The following TRIM44 variants were observed in gnomAD, a reference collection of about 807,000 sequenced individuals.
The protein encoded by TRIM44 is tripartite motif containing 44.
Under a neutral mutation model 37.4 loss-of-function variants are expected in TRIM44, and 13 were observed. The observed-to-expected ratio is 0.35, with a 90% confidence interval of 0.23 to 0.55. TRIM44 has a LOEUF of 0.55. Ranked by LOEUF, TRIM44 falls within the 20% of genes least tolerant of loss-of-function variation. The probability of loss-of-function intolerance (pLI) is 0.89; values close to 1 mark genes in which losing one functional copy is unlikely to be tolerated. For synonymous variants in TRIM44, 175 were observed against 157.2 expected (o/e 1.11, Z -0.85); for missense variants, 426 against 437.2 (o/e 0.97, Z 0.23).
intron 1 of TRIM44, 23 bp downstream of exon 1, chr11:35,663,803 A>G: frequency 1.9e-6 from 3 of 1,601,038 alleles, no homozygotes. Flanking sequence ...CCTTCAGAGC[A>G]TAAACCTAGG....
intron 4 of TRIM44, among the ~76,000 whole-genome samples, chr11:35,774,282 G>A (rs945887394): frequency 1.3e-5 from 2 of 152,172 alleles, no homozygotes; most frequent in East Asian, 1.9e-4. Context: ...TCTGAAAAGT[G>A]TCTGTCATAT....
intron 2 of TRIM44, among the ~76,000 whole-genome samples, chr11:35,712,650 T>C (rs1441575422): frequency 6.6e-6 from 1 of 152,146 alleles, no homozygotes; most frequent in African/African-American, 2.4e-5. Flanking sequence ...TTCCTCCTGC[T>C]CCAGCTCCTC....
chr11:35,791,660 TG>T (rs1327169659), intron 4 of TRIM44, among the ~76,000 whole-genome samples: 2 of 152,188 alleles, frequency 1.3e-5, no homozygotes, highest in Non-Finnish European at 2.9e-5. Flanking sequence ...TTGTTCAAGC[TG>T]TTCCCTCCAC....
intron 4 of TRIM44, among the ~76,000 whole-genome samples, chr11:35,787,976 C>T (rs1009941646): frequency 1.3e-5 from 2 of 152,232 alleles, no homozygotes; most frequent in Non-Finnish European, 2.9e-5. Flanking sequence ...TCCTCACCAG[C>T]TTTGATGCCA....
rs563207873 is a variant in TRIM44 at position 35,712,787 on chromosome 11, C to T, written c.748-13137C>T. ...CCATAGCAGCCACGCTTCAGGTTTC[C>T]AGTGCAGGATTGTATTTGACAGTTA... On this transcript the variant is annotated intron_variant, in intron 2 of 4. Coordinates refer to ENST00000299413, the MANE Select transcript of TRIM44 (RefSeq NM_017583.6). 8.5e-5 allele frequency among the ~76,000 whole-genome samples: 13 copies of T among 152,172 alleles called. No individual in the cohort carries two copies. The East Asian group carries it at 2.3e-3, about 27-fold the overall frequency.
intron 4 of TRIM44, among the ~76,000 whole-genome samples, chr11:35,740,978 A>G (rs1224550714): frequency 6.6e-6 from 1 of 152,002 alleles, no homozygotes; most frequent in Non-Finnish European, 1.5e-5. Flanking sequence ...TAGATATGGC[A>G]TTTCTCTTTC....
rs865937114 is a variant in TRIM44, at chr11:35,783,870, G to A, written c.1008-22488G>A. 5.3e-5 allele frequency among the ~76,000 whole-genome samples: 8 copies of A among 152,246 alleles called. No homozygotes were observed. The South Asian group carries it at 6.2e-4, about 12-fold the overall frequency. ...TTTTGTTAGAAGTGAAAGAGGGAAA[G>A]CCCTACTGATTGAGGGATACACGTT... On this transcript the variant is annotated intron_variant, in intron 4 of 4. Coordinates refer to ENST00000299413, the MANE Select transcript of TRIM44 (RefSeq NM_017583.6).
At chr11:35,705,047 A>C (rs965536104) in intron 2 of TRIM44, among the ~76,000 whole-genome samples, 3 of 149,188 alleles carry the variant, frequency 2.0e-5, no homozygotes, top group African/African-American at 5.0e-5. Context: ...CATAGGCTCA[A>C]AATAAAAGGA....
intron 4 of TRIM44, among the ~76,000 whole-genome samples, chr11:35,781,805 C>T (rs907193679): frequency 3.3e-5 from 5 of 152,160 alleles, no homozygotes; most frequent in African/African-American, 1.2e-4. Context: ...AGTGGAATAA[C>T]TTTTAAAATG....
intron 1 of TRIM44, among the ~76,000 whole-genome samples, chr11:35,681,621 A>C (rs16927846): frequency 2.0e-5 from 3 of 152,182 alleles, no homozygotes; most frequent in Admixed American, 1.3e-4. Context: ...ATGTGCCCCA[A>C]GGATTGACAA....
intron 4 of TRIM44, among the ~76,000 whole-genome samples, chr11:35,748,806 G>C (rs1156993822): frequency 6.6e-6 from 1 of 152,292 alleles, no homozygotes; most frequent in East Asian, 1.9e-4. Context: ...CCCAAGCCCT[G>C]ATCAGGTGAA....
rs1414431185 is a variant in TRIM44, at chr11:35,806,338, G to A, written c.1008-20G>A. 6.2e-7 allele frequency: 1 copy of A among 1,613,504 alleles called. No homozygotes were observed. The highest frequency in any genetic ancestry group is 1.7e-5 in the Admixed American group (1 of 59,982). On this transcript the variant is annotated intron_variant, in intron 4 of 4. Coordinates refer to ENST00000299413, the MANE Select transcript of TRIM44 (RefSeq NM_017583.6). The stretch of plus-strand genomic sequence containing the variant: ...TTCTTGTGATATCTTAACTCACCTG[G>A]TTCTCCTTTTCCTTTGTAGTGGTGC...
Position 35,696,424 on chromosome 11 carries a change from G to A in TRIM44, c.747+11088G>A, listed in dbSNP as rs148901404. ...CCCAAAGTGCTGGGAATACAGGCGT[G>A]AGCCGCCGCAAGCAGCCGTCAAAAA... On this transcript the variant is annotated intron_variant, in intron 2 of 4. Coordinates refer to ENST00000299413, the MANE Select transcript of TRIM44 (RefSeq NM_017583.6). Among the ~76,000 whole-genome samples, 3 of 151,588 alleles carry A rather than the reference G, an allele frequency of 2.0e-5. No individual in the cohort carries two copies. In the East Asian group the frequency reaches 6.0e-4, roughly 30 times the overall value.
intron 1 of TRIM44, among the ~76,000 whole-genome samples, chr11:35,679,467 T>A (rs1851501083): frequency 1.3e-5 from 2 of 152,158 alleles, no homozygotes. Flanking sequence ...ACAAGGAACA[T>A]TAGAGGTAGA....
chr11:35,792,111 A>ACACACACACACACACACACACT (rs796092540), intron 4 of TRIM44, among the ~76,000 whole-genome samples: 204 of 114,292 alleles, frequency 1.8e-3, no homozygotes, highest in Admixed American at 0.01. Flanking sequence ...ACACACACAC[A>ACACACACACACACACACACACT]CTCTCTCTCA....
At chr11:35,757,232 A>G (rs1349701029) in intron 4 of TRIM44, among the ~76,000 whole-genome samples, 1 of 152,146 alleles carries the variant, frequency 6.6e-6, no homozygotes, top group Non-Finnish European at 1.5e-5. Flanking sequence ...TAGTCTTGGG[A>G]GGGCGTATGT....
rs1160151677 is a variant in TRIM44 at position 35,662,944 on chromosome 11, CG to C, written c.-165del. On this transcript the variant is annotated 5_prime_UTR_variant, in exon 1 of 5. Transcript: ENST00000299413. Reference sequence around the variant, plus strand: ...CGGAAAGGGTCTTTGCTGCTGCGCCCGGGCAGGGGCTGCCGCGGCCCCAGGT... The same window carrying C: ...CGGAAAGGGTCTTTGCTGCTGCGCCCGGCAGGGGCTGCCGCGGCCCCAGGT... 1 of 1,197,826 alleles carries C rather than the reference CG, an allele frequency of 8.3e-7. No individual in the cohort carries two copies. 74.2% of individuals were successfully genotyped at this position (1,197,826 alleles called of 1,614,324 possible).
chr11:35,767,230 T>C (rs1852809727), intron 4 of TRIM44, among the ~76,000 whole-genome samples: 1 of 152,212 alleles, frequency 6.6e-6, no homozygotes, highest in African/African-American at 2.4e-5. Context: ...TATAGTGGTA[T>C]TAAATGGGCT....
At chr11:35,765,989 C>G (rs942948151) in intron 4 of TRIM44, among the ~76,000 whole-genome samples, 1 of 152,164 alleles carries the variant, frequency 6.6e-6, no homozygotes, top group Non-Finnish European at 1.5e-5. Context: ...CCAATAAAAG[C>G]AAGTATTTCT....
Sources: allele counts gnomAD v4.1 joint callset (sites outside exome capture counted in the v4.1 genomes callset), GRCh38; gene constraint gnomAD v4.1.1; transcripts MANE v1.5; gene names NCBI Gene and HGNC (gene_info 2026-07-23, HGNC 2026-07-21).